DOCK5: variants seen among roughly 807,000 people sequenced by gnomAD.
DOCK5 encodes the protein dedicator of cytokinesis 5.
A neutral mutation model predicts 251.8 loss-of-function variants in DOCK5; 142 were observed. That is an observed-to-expected ratio of 0.56 (90% CI 0.49 to 0.65). DOCK5 has a LOEUF of 0.65. Ranked by LOEUF, DOCK5 falls within the 30% of genes least tolerant of loss-of-function variation. The pLI, the probability that DOCK5 is intolerant of heterozygous loss-of-function variation, is 0.00. For missense variants in DOCK5, 2,111 were observed against 2,312.3 expected (o/e 0.91, Z 1.79); for synonymous variants, 842 against 835.5 (o/e 1.01, Z -0.13).
rs1217804163 is a variant in DOCK5 at position 25,280,972 on chromosome 8, G to T, written c.321+2307G>T. Reference sequence around the variant, plus strand: ...TTAGATAATCAGTATTGGGAAAGGAGTTTTTTTTTTTTTTTTTAAAGATGT... The same window carrying T: ...TTAGATAATCAGTATTGGGAAAGGATTTTTTTTTTTTTTTTTTAAAGATGT... On this transcript the variant is annotated intron_variant, in intron 5 of 51. Coordinates refer to ENST00000276440, the MANE Select transcript of DOCK5 (RefSeq NM_024940.8). Among the ~76,000 whole-genome samples, 4 of 138,722 alleles carry T rather than the reference G, an allele frequency of 2.9e-5. No homozygotes were observed. The South Asian group carries it at 7.1e-4, about 25-fold the overall frequency. The allele number at this position is 138,722 out of a possible 152,430, so 91.0% of individuals were successfully genotyped here. A position where few individuals can be genotyped will look rare whatever the true frequency, so the allele number is the denominator to read the frequency against.
At position 25,408,821 on chromosome 8, in the gene DOCK5, A is replaced by G; in HGVS notation, c.5285A>G (p.Gln1762Arg). The G allele has an allele frequency of 6.2e-7, 1 of 1,614,002 alleles. No individual in the cohort carries two copies. Among genetic ancestry groups the G allele is most frequent in the Non-Finnish European group, 8.5e-7 (1 of 1,179,876 alleles). The change falls in exon 50 of 52, where the codon CAA (glutamine) becomes CGA (arginine). Residue 1762 changes from glutamine (Q) to arginine (R), a missense_variant. By Grantham distance (43) the Gln-to-Arg change is conservative. Around this residue, in one of 3 missense-constraint regions of DOCK5, gnomAD observed 1,717 missense variants for 1,892.4 expected, o/e 0.91. Coordinates refer to ENST00000276440, the MANE Select transcript of DOCK5 (RefSeq NM_024940.8). ...PDLMSPTRKA[Q>R]RPKSLQLMDN... ...TCCTAGAGCCCAACCAGAAAAGCAC[A>G]AAGGCCAAAGAGTCTCCAGTTGATG...
At chr8:25,314,920 A>G (rs1805202117) in intron 13 of DOCK5, among the ~76,000 whole-genome samples, 1 of 150,274 alleles carries the variant, frequency 6.7e-6, no homozygotes, top group Admixed American at 6.7e-5. Flanking sequence ...CTCCATCTGC[A>G]TTGTCACTAC....
At chr8:25,226,258 CTTTT>C (rs1179597860) in intron 1 of DOCK5, among the ~76,000 whole-genome samples, 3 of 116,944 alleles carry the variant, frequency 2.6e-5, no homozygotes, top group Admixed American at 1.8e-4. Context: ...GTATAGGCTG[CTTTT>C]TTTTTTTTTT....
chr8:25,327,845 A>C (rs937981326), intron 18 of DOCK5, among the ~76,000 whole-genome samples: 27 of 152,300 alleles, frequency 1.8e-4, no homozygotes, highest in African/African-American at 6.5e-4. Flanking sequence ...TTAATAGTAT[A>C]GTGTATACTT....
At chr8:25,202,069 C>T (rs756872515) in intron 1 of DOCK5, among the ~76,000 whole-genome samples, 14 of 151,962 alleles carry the variant, frequency 9.2e-5, no homozygotes, top group South Asian at 8.3e-4. Flanking sequence ...CAGGCTGGAG[C>T]GCAGTGGCAC....
At chr8:25,194,515 T>C (rs1289880865) in intron 1 of DOCK5, among the ~76,000 whole-genome samples, 1 of 152,082 alleles carries the variant, frequency 6.6e-6, no homozygotes, top group African/African-American at 2.4e-5. Context: ...CTGGCTGGCT[T>C]TTGTGTCTCC....
chr8:25,366,442 G>A (rs1412002200), intron 30 of DOCK5, among the ~76,000 whole-genome samples: 2 of 152,194 alleles, frequency 1.3e-5, no homozygotes, highest in Non-Finnish European at 2.9e-5. Flanking sequence ...AGCCGAGATT[G>A]TACCACTGTA....
At chr8:25,206,323 T>G (rs1422604189) in intron 1 of DOCK5, among the ~76,000 whole-genome samples, 1 of 152,170 alleles carries the variant, frequency 6.6e-6, no homozygotes, top group Admixed American at 6.5e-5. Flanking sequence ...TCTTTAACCA[T>G]TCATGCTGCA....
At position 25,395,524 on chromosome 8, in the gene DOCK5, C is replaced by T. The variant is rs767406181; in HGVS notation, c.4528-19C>T. 1 of 1,599,352 alleles carries T rather than the reference C, an allele frequency of 6.3e-7. No homozygotes were observed. Among genetic ancestry groups the T allele is most frequent in the Non-Finnish European group, 8.5e-7 (1 of 1,176,412 alleles). On this transcript the variant is annotated intron_variant, in intron 44 of 51. Coordinates refer to ENST00000276440, the MANE Select transcript of DOCK5 (RefSeq NM_024940.8). The stretch of plus-strand genomic sequence containing the variant: ...GAGCTGACAAGTGTCCTCTTTCTCC[C>T]ATGTGCTCTGTCACTCAGGAAGAGA...
chr8:25,398,032 A>C (rs901459370), intron 45 of DOCK5, among the ~76,000 whole-genome samples: 1 of 152,192 alleles, frequency 6.6e-6, no homozygotes, highest in Non-Finnish European at 1.5e-5. Context: ...GGTAGTAGGT[A>C]AACTATTCTA....
At chr8:25,186,187 A>G (rs376352342) in intron 1 of DOCK5, among the ~76,000 whole-genome samples, 1 of 151,850 alleles carries the variant, frequency 6.6e-6, no homozygotes, top group East Asian at 1.9e-4. Context: ...CATATTTACT[A>G]TATTATTCTT....
chr8:25,208,403 A>T (rs1233515523), intron 1 of DOCK5, among the ~76,000 whole-genome samples: 1 of 152,228 alleles, frequency 6.6e-6, no homozygotes, highest in East Asian at 1.9e-4. Context: ...GAAATATTTC[A>T]TGAAAGGAAG....
chr8:25,345,355 G>C, intron 25 of DOCK5, 120 bp from the exon 26 acceptor site: 1 of 1,429,740 alleles, frequency 7.0e-7, no homozygotes, highest in South Asian at 1.3e-5. Flanking sequence ...CTGCATCCCT[G>C]CAGGGCTGAT....
At chr8:25,367,321 A>G (rs748204359) in intron 31 of DOCK5, among the ~76,000 whole-genome samples, 2 of 152,084 alleles carry the variant, frequency 1.3e-5, no homozygotes, top group Non-Finnish European at 2.9e-5. Flanking sequence ...CACAAAGCAC[A>G]CTCCTTCAGC....
At chr8:25,233,671 A>G (rs1257386223) in intron 1 of DOCK5, among the ~76,000 whole-genome samples, 3 of 152,242 alleles carry the variant, frequency 2.0e-5, no homozygotes, top group Admixed American at 6.5e-5. Flanking sequence ...AATATCTTCA[A>G]TGGCACAGCT....
chr8:25,193,572 G>A (rs1188610346), intron 1 of DOCK5, among the ~76,000 whole-genome samples: 1 of 150,098 alleles, frequency 6.7e-6, no homozygotes, highest in Non-Finnish European at 1.5e-5. Flanking sequence ...ACCAGCCTGG[G>A]CAACGTTGTG....
At chr8:25,313,285 G>A (rs1805150884) in intron 13 of DOCK5, among the ~76,000 whole-genome samples, 1 of 152,098 alleles carries the variant, frequency 6.6e-6, no homozygotes, top group African/African-American at 2.4e-5. Context: ...ACCTCTGCCA[G>A]CCCCACTCCA....
chr8:25,408,888 G>C lies in DOCK5; in HGVS notation c.5352G>C (p.Gln1784His), dbSNP rs775584370. Residue 1784 changes from glutamine to histidine, a missense_variant, in exon 50 of 52, where the codon CAG (glutamine) becomes CAC (histidine). Coordinates refer to ENST00000276440, the MANE Select transcript of DOCK5 (RefSeq NM_024940.8). ...CATTTCACGGTTCTTCACCTCCTCA[G>C]TCAACACCCTTGAGCCCACCTCCAC... Reference protein sequence around the residue: ...LSPFHGSSPPQSTPLSPPPLT... With the variant: ...LSPFHGSSPPHSTPLSPPPLT... 1.2e-6 allele frequency: 2 copies of C among 1,613,940 alleles called. No homozygotes were observed. The highest frequency in any genetic ancestry group is 1.1e-5 in the South Asian group (1 of 91,088).
chr8:25,272,217 C>T (rs937974025), intron 3 of DOCK5, among the ~76,000 whole-genome samples: 4 of 151,972 alleles, frequency 2.6e-5, no homozygotes, highest in South Asian at 2.1e-4. Context: ...TTTGTAGAGA[C>T]GGTGTCTCAG....
Sources: allele counts gnomAD v4.1 joint callset (sites outside exome capture counted in the v4.1 genomes callset), GRCh38; gene constraint gnomAD v4.1.1; regional missense constraint gnomAD v4.1.1; transcripts MANE v1.5; gene names NCBI Gene and HGNC (gene_info 2026-07-23, HGNC 2026-07-21).